Variants in ULK4 observed in about 807,000 individuals in gnomAD.
ULK4 encodes the protein unc-51 like kinase 4, also known as inactive serine/threonine-protein kinase ULK4.
Under a neutral mutation model 160.6 loss-of-function variants are expected in ULK4, and 133 were observed. The ratio of observed to expected loss-of-function variants is 0.83; its 90% CI spans 0.72 to 0.96. The LOEUF (loss-of-function observed/expected upper bound fraction) is 0.96. Ranked by LOEUF, ULK4 falls within the 40% of genes least tolerant of loss-of-function variation. ULK4 has a pLI of 0.00. For missense variants in ULK4, 1,580 were observed against 1,499.5 expected (o/e 1.05, Z -0.89); for synonymous variants, 534 against 539.8 (o/e 0.99, Z 0.15).
chr3:41,695,679 G>A lies in ULK4; in HGVS notation c.2781+9378C>T, dbSNP rs149066045. ...CCCAAAGATGGCCATGTCCTGTGTG[G>A]GCGGCAAGCCATCCAGGTGCCGAGG... On this transcript the variant is annotated intron_variant, in intron 27 of 36. Transcript: ENST00000301831. Among the ~76,000 whole-genome samples the A allele has an allele frequency of 2.8e-3, 424 of 152,148 alleles. 1 individual carries two copies. Among genetic ancestry groups the A allele is most frequent in the Non-Finnish European group, 5.0e-3 (341 of 68,006 alleles).
intron 31 of ULK4, among the ~76,000 whole-genome samples, chr3:41,577,370 T>TTCC (rs1172293633): frequency 1.3e-5 from 2 of 152,316 alleles, no homozygotes; most frequent in Non-Finnish European, 2.9e-5. Flanking sequence ...AAGAGGTGTA[T>TTCC]ATATTTATGG....
intron 32 of ULK4, among the ~76,000 whole-genome samples, chr3:41,559,674 C>T (rs939869995): frequency 2.0e-5 from 3 of 152,110 alleles, no homozygotes; most frequent in African/African-American, 7.2e-5. Context: ...TAAATGTCTT[C>T]TTTTGAGAAG....
At chr3:41,952,181 TAAC>T (rs1485542634) in intron 2 of ULK4, among the ~76,000 whole-genome samples, 1 of 151,100 alleles carries the variant, frequency 6.6e-6, no homozygotes, top group Non-Finnish European at 1.5e-5. Flanking sequence ...AAGACACAGA[TAAC>T]AAAAAAAAAG....
At chr3:41,950,949 C>T (rs112787664) in intron 2 of ULK4, among the ~76,000 whole-genome samples, 19,009 of 151,386 alleles carry the variant, frequency 0.13, 1,373 homozygotes, top group Middle Eastern at 0.26. Flanking sequence ...TGGAGACCAT[C>T]CTGGCTAACA....
intron 27 of ULK4, among the ~76,000 whole-genome samples, chr3:41,687,113 G>A (rs563851835): frequency 1.1e-4 from 17 of 152,034 alleles, no homozygotes; most frequent in Non-Finnish European, 1.9e-4. Flanking sequence ...AGTGGTTCAT[G>A]CCTGTAATCC....
chr3:41,427,446 A>G (rs1456463087), intron 34 of ULK4, among the ~76,000 whole-genome samples: 1 of 152,178 alleles, frequency 6.6e-6, no homozygotes, highest in Non-Finnish European at 1.5e-5. Context: ...TTGATACCAA[A>G]ACCTGGCAGA....
chr3:41,870,924 C>A (rs1204684125), intron 17 of ULK4, among the ~76,000 whole-genome samples: 1 of 152,152 alleles, frequency 6.6e-6, no homozygotes, highest in Non-Finnish European at 1.5e-5. Context: ...GTAACTGAAT[C>A]ATGGGGGTGG....
intron 31 of ULK4, among the ~76,000 whole-genome samples, chr3:41,614,431 T>C (rs1318653283): frequency 6.6e-6 from 1 of 152,256 alleles, no homozygotes; most frequent in African/African-American, 2.4e-5. Context: ...AAATAATGTG[T>C]ATCTGACTGA....
chr3:41,806,695 C>G (rs1343089533), intron 19 of ULK4, among the ~76,000 whole-genome samples: 1 of 151,950 alleles, frequency 6.6e-6, no homozygotes, highest in South Asian at 2.1e-4. Flanking sequence ...TCTTTGTTCT[C>G]GTTGGTTTCA....
intron 1 of ULK4, among the ~76,000 whole-genome samples, chr3:41,961,325 G>A (rs1490626686): frequency 1.3e-5 from 2 of 152,122 alleles, no homozygotes; most frequent in African/African-American, 4.8e-5. Flanking sequence ...TATCGGCCCT[G>A]CCCCAAATTT....
At chr3:41,716,278 G>A (rs9842269) in intron 23 of ULK4, among the ~76,000 whole-genome samples, 7,706 of 149,482 alleles carry the variant, frequency 0.052, 355 homozygotes, top group African/African-American at 0.12. Context: ...TACAGAACAC[G>A]ACTTACAACT....
chr3:41,764,512 A>C (rs2039092847), intron 21 of ULK4, among the ~76,000 whole-genome samples: 1 of 152,226 alleles, frequency 6.6e-6, no homozygotes, highest in African/African-American at 2.4e-5. Context: ...TGGCAGGCCA[A>C]AGCAGGAGGA....
chr3:41,473,909 C>T (rs906712888), intron 32 of ULK4, among the ~76,000 whole-genome samples: 8 of 152,024 alleles, frequency 5.3e-5, no homozygotes, highest in African/African-American at 9.7e-5. Flanking sequence ...TTAAAATGTC[C>T]GTTCTGCCTA....
At chr3:41,475,902 AG>A (rs2084126635) in intron 32 of ULK4, among the ~76,000 whole-genome samples, 1 of 149,750 alleles carries the variant, frequency 6.7e-6, no homozygotes. Flanking sequence ...GGAAGAAAAG[AG>A]GAAGGGAAGG....
chr3:41,480,471 T>G (rs1309910616), intron 32 of ULK4, among the ~76,000 whole-genome samples: 1 of 152,128 alleles, frequency 6.6e-6, no homozygotes, highest in Non-Finnish European at 1.5e-5. Flanking sequence ...ACTCCTGAGA[T>G]AGCAAAACCA....
chr3:41,683,309 C>T (rs1009423883), intron 27 of ULK4, among the ~76,000 whole-genome samples: 1 of 152,028 alleles, frequency 6.6e-6, no homozygotes, highest in Non-Finnish European at 1.5e-5. Context: ...TCTGGGAGAA[C>T]TCTGTCGGCC....
rs201946098 is a variant in ULK4, at chr3:41,659,942, G to GA, written c.3071+3664dup. On this transcript the variant is annotated intron_variant, in intron 30 of 36. Transcript: ENST00000301831. ...AAGCAAATCTAGAGGACAGTTTAGT[G>GA]AAAAAAAAATCAAAGGGCAGAAAAA... Among the ~76,000 whole-genome samples, 838 of 150,644 alleles carry GA rather than the reference G, an allele frequency of 5.6e-3. 6 individuals are homozygous for GA. The highest frequency in any genetic ancestry group is 7.7e-3 in the Non-Finnish European group (517 of 67,566).
intron 1 of ULK4, among the ~76,000 whole-genome samples, chr3:41,956,987 G>C (rs1381365188): frequency 1.3e-5 from 2 of 152,070 alleles, no homozygotes; most frequent in Non-Finnish European, 2.9e-5. Context: ...CTTCACCTAA[G>C]GTATAAGTAG....
intron 34 of ULK4, among the ~76,000 whole-genome samples, chr3:41,417,632 TATACAGAGGC>T (rs1212236835): frequency 6.6e-6 from 1 of 152,072 alleles, no homozygotes; most frequent in Non-Finnish European, 1.5e-5. Flanking sequence ...CTTTTTGAGG[TATACAGAGGC>T]TCCTCCCATC....
Sources: gnomAD v4.1 joint callset for allele counts (sites outside exome capture counted in the v4.1 genomes callset) on GRCh38, gnomAD v4.1.1 for gene constraint, MANE v1.5 for transcripts, NCBI Gene and HGNC (gene_info 2026-07-23, HGNC 2026-07-21) for gene names.